The following WSCD2 variants were observed in gnomAD, a reference collection of about 807,000 sequenced individuals.
The protein encoded by WSCD2 is sialate:O-sulfotransferase 2.
WSCD2 carries 28 observed loss-of-function variants against 55.7 expected under a neutral mutation model. The observed-to-expected ratio is 0.50, with a 90% CI of 0.37 to 0.69. WSCD2 has a LOEUF of 0.69. WSCD2 is among the 30% of genes least tolerant of loss of function. The pLI is 0.00. For synonymous variants in WSCD2, 301 were observed against 301.9 expected (o/e 1.00, Z 0.03); for missense variants, 616 against 762.1 (o/e 0.81, Z 2.26).
At chr12:108,164,789 G>T (rs1371153136) in intron 1 of WSCD2, among the ~76,000 whole-genome samples, 1 of 152,092 alleles carries the variant, frequency 6.6e-6, no homozygotes, top group Non-Finnish European at 1.5e-5. Context: ...ACATTGTGTG[G>T]GTCACAATGC....
At position 108,237,056 on chromosome 12, in the gene WSCD2, CT is replaced by C. The variant is rs1286855377; in HGVS notation, c.1145-3287del. Among the ~76,000 whole-genome samples the C allele has an allele frequency of 2.6e-4, 40 of 152,346 alleles. No individual in the cohort carries two copies. The East Asian group carries it at 6.2e-3, about 23-fold the overall frequency. On this transcript the variant is annotated intron_variant, in intron 7 of 8. Transcript: ENST00000547525. ...CCCAGCTGATGCAGGACAACAATTT[CT>C]GAGGATTTCCTTGTCCTCAAAACAA...
intron 8 of WSCD2, among the ~76,000 whole-genome samples, chr12:108,246,210 TA>T (rs953298706): frequency 3.9e-5 from 6 of 152,248 alleles, no homozygotes; most frequent in African/African-American, 1.4e-4. Context: ...GAGCAGACAG[TA>T]GTCCTTTTCC....
At position 108,210,244 on chromosome 12, in the gene WSCD2, C is replaced by T. The variant is rs746798553; in HGVS notation, c.621C>T (p.Cys207=). 11 of 1,600,882 alleles carry T rather than the reference C, an allele frequency of 6.9e-6. No individual in the cohort carries two copies. Among genetic ancestry groups the T allele is most frequent in the Admixed American group, 5.0e-5 (3 of 59,510 alleles). The change falls in exon 4 of 9, where the codon TGC becomes TGT. Residue 207 remains cysteine (C), a synonymous_variant. Transcript: ENST00000547525. The surrounding 1 kb of genome is among the most constrained non-coding windows in gnomAD (Gnocchi z 4.3). The stretch of plus-strand genomic sequence containing the variant: ...GCAAGGGCGAGCGAGGCAGCGTGTG[C>T]GGCGGCGCCAACCGCCTCTCTGTCT... ...MECKGERGSV[C]GGANRLSVYR... is the part of the protein sequence containing the mutation.
chr12:108,184,278 G>A (rs537199763), intron 1 of WSCD2, among the ~76,000 whole-genome samples: 1 of 152,274 alleles, frequency 6.6e-6, no homozygotes, highest in South Asian at 2.1e-4. Flanking sequence ...ACCTGTAGAG[G>A]TGGGCTGGGG....
chr12:108,180,050 C>CAAAAAAAAAAAAAAAAAAAA (rs59925486), intron 1 of WSCD2, among the ~76,000 whole-genome samples: 22 of 116,670 alleles, frequency 1.9e-4, no homozygotes, highest in South Asian at 5.3e-4. Context: ...CTCAAAAAAA[C>CAAAAAAAAAAAAAAAAAAAA]AAAAAAAAAA....
chr12:108,152,841 G>C (rs1878143785), intron 1 of WSCD2, among the ~76,000 whole-genome samples: 1 of 152,230 alleles, frequency 6.6e-6, no homozygotes, highest in Non-Finnish European at 1.5e-5. Flanking sequence ...GCTCATGCCT[G>C]TAATCCCAGC....
chr12:108,178,343 C>A (rs12228812), intron 1 of WSCD2, among the ~76,000 whole-genome samples: 10,701 of 151,656 alleles, frequency 0.071, 659 homozygotes, highest in East Asian at 0.3. Context: ...TGAAAAACAC[C>A]CCCCCTAATA....
intron 1 of WSCD2, chr12:108,167,509 C>G (rs1011924078): frequency 1.3e-5 from 2 of 152,204 alleles, no homozygotes; most frequent in African/African-American, 2.4e-5. Context: ...AAACACAACT[C>G]AAGTGGACTT....
At chr12:108,192,938 T>C (rs1433701601) in intron 1 of WSCD2, among the ~76,000 whole-genome samples, 36 of 152,036 alleles carry the variant, frequency 2.4e-4, no homozygotes, top group Admixed American at 2.4e-3. Context: ...AAGGGCTTTT[T>C]TTTTTTCTGG....
intron 2 of WSCD2, 30 bp downstream of exon 2, chr12:108,196,244 G>A (rs1335610387): frequency 3.8e-6 from 6 of 1,583,968 alleles, no homozygotes; most frequent in Non-Finnish European, 5.1e-6. Context: ...GGACACTGAG[G>A]GGCTGGGGAG....
chr12:108,235,307 T>C (rs187415004), intron 7 of WSCD2, among the ~76,000 whole-genome samples: 285 of 152,328 alleles, frequency 1.9e-3, no homozygotes, highest in Admixed American at 5.6e-3. Flanking sequence ...AGTCATTTAC[T>C]TAGTCAAAGG....
intron 1 of WSCD2, among the ~76,000 whole-genome samples, chr12:108,155,995 C>G (rs1418274171): frequency 2.0e-5 from 3 of 152,194 alleles, no homozygotes; most frequent in Non-Finnish European, 4.4e-5. Flanking sequence ...CACACACATA[C>G]CAACGAGCCA....
intron 1 of WSCD2, among the ~76,000 whole-genome samples, chr12:108,147,769 C>G (rs1399645947): frequency 1.3e-5 from 2 of 151,830 alleles, no homozygotes; most frequent in Non-Finnish European, 2.9e-5. Context: ...GTCCCAGCTT[C>G]TTGGGGAGCT....
intron 1 of WSCD2, among the ~76,000 whole-genome samples, chr12:108,165,673 T>C (rs1677596392): frequency 2.0e-5 from 3 of 152,206 alleles, no homozygotes; most frequent in Non-Finnish European, 2.9e-5. Context: ...TGGAGACATA[T>C]CCCAAACTTA....
chr12:108,196,187 G>A lies in WSCD2; in HGVS notation c.355G>A (p.Val119Ile). Residue 119 changes from valine to isoleucine, a missense_variant, in exon 2 of 9, where the codon GTT becomes ATT. Physicochemically the swap from Val to Ile is conservative, Grantham distance 29. Around this residue, in one of 3 missense-constraint regions of WSCD2, gnomAD observed 374 missense variants for 467.4 expected, o/e 0.80. Transcript: ENST00000547525. ...CTGGAGCCGAGCCCTCAAGGGGAGG[G>A]TTGTCCGGGAGAAGGAGGAAGAGCG... ...GAWSRALKGRVVREKEEERAK... is the reference protein window; with the variant it reads ...GAWSRALKGRIVREKEEERAK... 5 of 1,613,912 alleles carry A rather than the reference G, an allele frequency of 3.1e-6. No individual in the cohort carries two copies. The highest frequency in any genetic ancestry group is 3.4e-6 in the Non-Finnish European group (4 of 1,179,888).
chr12:108,248,252 A>C lies in WSCD2; in HGVS notation c.1607A>C (p.Gln536Pro). The C allele has an allele frequency of 6.2e-7, 1 of 1,614,238 alleles. No individual in the cohort carries two copies. Residue 536 changes from glutamine to proline, a missense_variant, in exon 9 of 9, where the codon CAG (glutamine) becomes CCG (proline). By Grantham distance (76) the Gln-to-Pro change is moderately conservative (BLOSUM62 -1). Around this residue, in one of 3 missense-constraint regions of WSCD2, gnomAD observed 234 missense variants for 264.6 expected, o/e 0.88. Transcript: ENST00000547525. This position sits in a 1 kb window ranked among gnomAD's most constrained non-coding sequence, Gnocchi z 4.3. ...LEYDPYTADM[Q>P]KTISAYIKMV... ...TATGACCCCTATACTGCGGACATGC[A>C]GAAGACCATCTCTGCCTACATCAAG...
chr12:108,199,931 A>C (rs1884450824), intron 2 of WSCD2, among the ~76,000 whole-genome samples: 1 of 152,186 alleles, frequency 6.6e-6, no homozygotes, highest in Non-Finnish European at 1.5e-5. Flanking sequence ...CTTGCATACT[A>C]CCTTAATACA....
chr12:108,170,702 C>T (rs961648453), intron 1 of WSCD2, among the ~76,000 whole-genome samples: 4 of 152,142 alleles, frequency 2.6e-5, no homozygotes, highest in Admixed American at 6.6e-5. Flanking sequence ...ATGATGCCAG[C>T]GTTCAAGAGA....
At chr12:108,148,109 C>T (rs142290753) in intron 1 of WSCD2, among the ~76,000 whole-genome samples, 307 of 152,272 alleles carry the variant, frequency 2.0e-3, no homozygotes, top group African/African-American at 7.1e-3. Context: ...GCTTTATTGA[C>T]ATTTTGAGCT....
Sources: gnomAD v4.1 joint callset for allele counts (sites outside exome capture counted in the v4.1 genomes callset) on GRCh38, gnomAD v4.1.1 for gene constraint, gnomAD v4.1.1 regional missense constraint, Gnocchi (gnomAD v3.1) non-coding constraint, MANE v1.5 for transcripts, NCBI Gene and HGNC (gene_info 2026-07-23, HGNC 2026-07-21) for gene names.